Variants in KYAT3 observed in about 807,000 individuals in gnomAD.
KYAT3 encodes the protein kynurenine--oxoglutarate transaminase 3.
A neutral mutation model predicts 59.0 loss-of-function variants in KYAT3; 50 were observed. The ratio of observed to expected loss-of-function variants is 0.85; its 90% CI spans 0.68 to 1.07. The LOEUF (loss-of-function observed/expected upper bound fraction) is 1.07. Among genes scored for constraint, KYAT3 ranks in the 50% least tolerant of loss-of-function variants. The pLI is 0.00. For missense variants in KYAT3, 497 were observed against 533.3 expected (o/e 0.93, Z 0.67); for synonymous variants, 148 against 177.0 (o/e 0.84, Z 1.30).
Position 88,961,229 on chromosome 1 carries a change from A to C in KYAT3, c.725T>G (p.Leu242Arg), listed in dbSNP as rs1320879360. Residue 242 changes from leucine (L) to arginine (R), a missense_variant, in exon 8 of 14, where the codon CTC becomes CGC. Physicochemically the swap from Leu to Arg is moderately radical, Grantham distance 102. This residue lies in a region of KYAT3 where 469 missense variants were observed against 479.1 expected (regional missense o/e 0.98). Coordinates refer to ENST00000260508, the MANE Select transcript of KYAT3 (RefSeq NM_001008661.3). The part of the protein sequence containing the change: ...IADLCIKYDT[L>R]CISDEVYEWL... ...TTCATAAACCTCATCGCTGATGCAG[A>C]GTGTGTCATATTTGATGCAAAGGTC... 1 of 1,613,540 alleles carries C rather than the reference A, an allele frequency of 6.2e-7. No homozygotes were observed. The highest frequency in any genetic ancestry group is 8.5e-7 in the Non-Finnish European group (1 of 1,179,800).
intron 8 of KYAT3, among the ~76,000 whole-genome samples, chr1:88,959,428 C>T (rs1238538599): frequency 6.6e-6 from 1 of 151,752 alleles, no homozygotes; most frequent in Non-Finnish European, 1.5e-5. Flanking sequence ...AGTAAATTAG[C>T]CAGGCATGGT....
chr1:88,989,683 T>C (rs1042243597), intron 1 of KYAT3, among the ~76,000 whole-genome samples: 5 of 152,168 alleles, frequency 3.3e-5, no homozygotes, highest in Non-Finnish European at 5.9e-5. Context: ...CTGGGAGATT[T>C]CACCCCAGAC....
At chr1:88,992,630 G>A (rs139491188), upstream of KYAT3, 3,167 of 152,796 alleles carry the variant, frequency 0.021, 54 homozygotes, top group Non-Finnish European at 0.032. Context: ...AGTCCCGACT[G>A]GGCTTGAGGG....
At chr1:88,978,983 T>A (rs1342982886) in intron 2 of KYAT3, among the ~76,000 whole-genome samples, 1 of 152,178 alleles carries the variant, frequency 6.6e-6, no homozygotes. Flanking sequence ...AAGGGCAGAG[T>A]ACATGCTTCA....
intron 2 of KYAT3, chr1:88,980,375 C>T (rs1165314866): frequency 1.3e-5 from 2 of 152,376 alleles, no homozygotes; most frequent in African/African-American, 2.4e-5. Flanking sequence ...CTGGACCAAG[C>T]ACCCGCCCAA....
chr1:88,974,469 CTTTTTT>C (rs71084932), intron 2 of KYAT3, among the ~76,000 whole-genome samples: 85 of 69,676 alleles, frequency 1.2e-3, no homozygotes, highest in African/African-American at 4.9e-3. Flanking sequence ...GTGTCTCTCT[CTTTTTT>C]TTTTTTTTTT....
downstream of KYAT3, among the ~76,000 whole-genome samples, chr1:88,933,961 G>A (rs926429160): frequency 1.3e-5 from 2 of 152,142 alleles, no homozygotes; most frequent in Non-Finnish European, 1.5e-5. Flanking sequence ...CATTATAACT[G>A]GAGGGAAGGA....
At chr1:88,956,910 A>C (rs1675943171) in intron 8 of KYAT3, among the ~76,000 whole-genome samples, 1 of 152,196 alleles carries the variant, frequency 6.6e-6, no homozygotes, top group Admixed American at 6.5e-5. Context: ...GCAACCCACA[A>C]GTTTTTCCAC....
the KYAT3 span, among the ~76,000 whole-genome samples, chr1:88,922,241 G>A: frequency 6.6e-6 from 1 of 152,160 alleles, no homozygotes; most frequent in African/African-American, 2.4e-5. Flanking sequence ...AAGCATGCTT[G>A]AACACCAGGA....
chr1:88,926,371 G>C, the KYAT3 span, among the ~76,000 whole-genome samples: 1 of 152,148 alleles, frequency 6.6e-6, no homozygotes, highest in East Asian at 1.9e-4. Context: ...GAGTGCAGTG[G>C]TACAATTATG....
intron 10 of KYAT3, among the ~76,000 whole-genome samples, chr1:88,951,810 G>GGTCTTAAAACCCAGAACTT (rs1553168389): frequency 6.6e-6 from 1 of 151,784 alleles, no homozygotes; most frequent in African/African-American, 2.4e-5. Context: ...ATGACTTCTA[G>GGTCTTAAAACCCAGAACTT]GTCTTAAAAC....
At position 88,965,672 on chromosome 1, in the gene KYAT3, T is replaced by A. The variant is rs557777150; in HGVS notation, c.304-694A>T. Among the ~76,000 whole-genome samples the A allele has an allele frequency of 3.9e-5, 6 of 152,296 alleles. No homozygotes were observed. In the East Asian group the frequency reaches 1.2e-3, roughly 29 times the overall value. ...TCTCCCCTTCCTTCCTTTTTTTTCTTCCTTTTCCTTTCCCCCTCCTTGTTT... is the reference window on the plus strand; with the variant it reads ...TCTCCCCTTCCTTCCTTTTTTTTCTACCTTTTCCTTTCCCCCTCCTTGTTT... On this transcript the variant is annotated intron_variant, in intron 4 of 13. Transcript: ENST00000260508.
the KYAT3 span, among the ~76,000 whole-genome samples, chr1:88,921,397 A>T: frequency 2.0e-5 from 3 of 152,238 alleles, no homozygotes; most frequent in African/African-American, 7.2e-5. Flanking sequence ...TAGCCTTAAT[A>T]GTATAAGTAG....
At chr1:88,931,808 C>T (rs988741891), downstream of KYAT3, among the ~76,000 whole-genome samples, 2 of 141,030 alleles carry the variant, frequency 1.4e-5, no homozygotes, top group East Asian at 2.1e-4. Context: ...CCCAAGCATT[C>T]GAGCCAGCAA....
intron 11 of KYAT3, among the ~76,000 whole-genome samples, chr1:88,946,550 C>T (rs1675448783): frequency 6.6e-6 from 1 of 152,052 alleles, no homozygotes; most frequent in Admixed American, 6.6e-5. Context: ...GCTCACATTC[C>T]TTTTGGAAGC....
intron 2 of KYAT3, chr1:88,983,955 C>T: frequency 2.9e-6 from 3 of 1,022,376 alleles, no homozygotes; most frequent in Non-Finnish European, 4.5e-6. Context: ...CGCGAAGCCG[C>T]TAGCACTACT....
intron 2 of KYAT3, among the ~76,000 whole-genome samples, chr1:88,975,241 C>T (rs775577866): frequency 6.6e-5 from 10 of 152,186 alleles, no homozygotes; most frequent in African/African-American, 2.4e-4. Context: ...ATTCTTGAAG[C>T]GAGCGAGACC....
At chr1:88,988,034 A>G (rs1677569559) in intron 2 of KYAT3, among the ~76,000 whole-genome samples, 1 of 152,240 alleles carries the variant, frequency 6.6e-6, no homozygotes, top group Non-Finnish European at 1.5e-5. Context: ...AAATGAGGTA[A>G]TGAATATATA....
chr1:88,978,372 G>A (rs1413040354), intron 2 of KYAT3, among the ~76,000 whole-genome samples: 1 of 151,608 alleles, frequency 6.6e-6, no homozygotes, highest in Non-Finnish European at 1.5e-5. Context: ...ACAGGGTCTC[G>A]CTCTGTCACC....
Sources: allele counts gnomAD v4.1 joint callset (sites outside exome capture counted in the v4.1 genomes callset), GRCh38; gene constraint gnomAD v4.1.1; regional missense constraint gnomAD v4.1.1; transcripts MANE v1.5; gene names NCBI Gene and HGNC (gene_info 2026-07-23, HGNC 2026-07-21).